LARGE1: variants seen among roughly 807,000 people sequenced by gnomAD.
The protein encoded by LARGE1 is xylosyl- and glucuronyltransferase LARGE1.
A neutral mutation model predicts 87.6 loss-of-function variants in LARGE1; 43 were observed. That is an observed-to-expected ratio of 0.49 (90% CI 0.38 to 0.63). The LOEUF is 0.63. Ranked by LOEUF, LARGE1 falls within the 30% of genes least tolerant of loss-of-function variation. The pLI, the probability that LARGE1 is intolerant of heterozygous loss-of-function variation, is 0.00. For missense variants in LARGE1, 802 were observed against 1,000.2 expected, an observed-to-expected ratio of 0.80 and a Z score of 2.67; for synonymous variants, 434 against 394.6, an observed-to-expected ratio of 1.10 and a Z score of -1.18.
chr22:33,477,335 A>G (rs1330619133), intron 6 of LARGE1, among the ~76,000 whole-genome samples: 1 of 152,244 alleles, frequency 6.6e-6, no homozygotes, highest in African/African-American at 2.4e-5. Flanking sequence ...TTCAATCTCT[A>G]AAGAACTCTT....
chr22:33,354,053 G>A (rs1302596138), intron 9 of LARGE1, among the ~76,000 whole-genome samples: 2 of 152,252 alleles, frequency 1.3e-5, no homozygotes, highest in African/African-American at 2.4e-5. Flanking sequence ...CAAAGGACAT[G>A]TAAGAGATGG....
intron 10 of LARGE1, chr22:33,322,467 T>A (rs1195628838): frequency 6.6e-6 from 1 of 152,266 alleles, no homozygotes; most frequent in African/African-American, 2.4e-5. Flanking sequence ...GCAATGTGGT[T>A]ATGATTATAT....
rs777127988 is a variant in LARGE1, at chr22:33,317,106, C to CAGG, written c.1288-861_1288-859dup. Among the ~76,000 whole-genome samples, 9 of 152,152 alleles carry CAGG rather than the reference C, an allele frequency of 5.9e-5. 1 individual carries two copies. The South Asian group carries it at 1.7e-3, about 28-fold the overall frequency. ...GCGGACACCTGTAATCCCACCTACT[C>CAGG]AGGAGGCTGAGGCAGGAGAATCTCC... On this transcript the variant is annotated intron_variant, in intron 10 of 14. Transcript: ENST00000397394.
At chr22:33,906,692 GA>G (rs1471084411) in intron 1 of LARGE1, among the ~76,000 whole-genome samples, 24 of 152,106 alleles carry the variant, frequency 1.6e-4, no homozygotes, top group Admixed American at 1.4e-3. Context: ...GAAAACTCCT[GA>G]AAAACTGCCT....
intron 7 of LARGE1, among the ~76,000 whole-genome samples, chr22:33,393,659 G>C (rs187428649): frequency 3.9e-5 from 6 of 152,290 alleles, no homozygotes; most frequent in Admixed American, 3.9e-4. Context: ...CCTGGCATTC[G>C]CTGCTGCCTG....
chr22:33,395,594 A>G (rs2065712290), intron 7 of LARGE1, among the ~76,000 whole-genome samples: 1 of 152,040 alleles, frequency 6.6e-6, no homozygotes, highest in Admixed American at 6.6e-5. Context: ...TCCCTGCCCT[A>G]TTTTCATTCT....
chr22:33,895,949 C>A (rs971615731), intron 1 of LARGE1, among the ~76,000 whole-genome samples: 1 of 138,886 alleles, frequency 7.2e-6, no homozygotes, highest in Non-Finnish European at 1.6e-5. Context: ...ATAAAACTTA[C>A]AATTTTACCC....
chr22:33,343,132 T>G (rs987156755), intron 9 of LARGE1, among the ~76,000 whole-genome samples: 1 of 152,176 alleles, frequency 6.6e-6, no homozygotes, highest in Non-Finnish European at 1.5e-5. Context: ...TTTGTTTGTT[T>G]GTTTGTTGTT....
chr22:33,178,713 G>T (rs1333136504), intron 11 of LARGE1, among the ~76,000 whole-genome samples: 3 of 152,092 alleles, frequency 2.0e-5, no homozygotes, highest in Non-Finnish European at 2.9e-5. Context: ...TAATAGAGTT[G>T]AATAATTTCT....
At chr22:33,542,675 G>A (rs540970897) in intron 6 of LARGE1, among the ~76,000 whole-genome samples, 2 of 151,496 alleles carry the variant, frequency 1.3e-5, no homozygotes, top group Admixed American at 6.6e-5. Context: ...AAAGATGCCC[G>A]CTTTTATATG....
chr22:33,314,725 G>T (rs933011324), intron 11 of LARGE1, among the ~76,000 whole-genome samples: 5 of 152,126 alleles, frequency 3.3e-5, no homozygotes, highest in Admixed American at 1.3e-4. Flanking sequence ...AGCTGAGGGG[G>T]GATGACATGT....
intron 6 of LARGE1, among the ~76,000 whole-genome samples, chr22:33,432,728 G>C (rs76926754): frequency 6.6e-6 from 1 of 152,306 alleles, no homozygotes; most frequent in Admixed American, 6.5e-5. Flanking sequence ...GGAATGGACT[G>C]GGATTGGTTT....
intron 2 of LARGE1, among the ~76,000 whole-genome samples, chr22:33,718,103 T>C (rs764945939): frequency 6.6e-5 from 10 of 152,244 alleles, no homozygotes; most frequent in Non-Finnish European, 1.0e-4. Flanking sequence ...TTCTGAACAC[T>C]ATCTAGGCTT....
At chr22:33,537,596 C>A (rs377317601) in intron 6 of LARGE1, among the ~76,000 whole-genome samples, 1 of 152,062 alleles carries the variant, frequency 6.6e-6, no homozygotes, top group South Asian at 2.1e-4. Flanking sequence ...AAGACGGAGG[C>A]TTGTCTGTCA....
At chr22:33,878,420 T>C (rs116763296) in intron 1 of LARGE1, among the ~76,000 whole-genome samples, 5,308 of 152,166 alleles carry the variant, frequency 0.035, 318 homozygotes, top group African/African-American at 0.12. Flanking sequence ...TGAGCCACCA[T>C]ACCCGGCCAG....
chr22:33,785,251 ATG>A (rs2085601479), intron 1 of LARGE1, among the ~76,000 whole-genome samples: 1 of 151,858 alleles, frequency 6.6e-6, no homozygotes, highest in Admixed American at 6.6e-5. Context: ...ATGTGTATAT[ATG>A]CATGTGTATA....
intron 6 of LARGE1, among the ~76,000 whole-genome samples, chr22:33,557,545 A>G (rs2077728087): frequency 6.6e-6 from 1 of 152,184 alleles, no homozygotes. Context: ...AACTTTATCA[A>G]TACTGGGAGT....
intron 2 of LARGE1, among the ~76,000 whole-genome samples, chr22:33,705,863 A>G (rs2082547124): frequency 6.6e-6 from 1 of 152,246 alleles, no homozygotes; most frequent in African/African-American, 2.4e-5. Context: ...CTGAATGTTT[A>G]ATACGTGCAG....
chr22:33,701,764 C>T (rs2082410511), intron 2 of LARGE1, among the ~76,000 whole-genome samples: 1 of 152,180 alleles, frequency 6.6e-6, no homozygotes, highest in South Asian at 2.1e-4. Context: ...CTGCTTTGCT[C>T]TCCTGAATGT....
Sources: gnomAD v4.1 joint callset for allele counts (sites outside exome capture counted in the v4.1 genomes callset) on GRCh38, gnomAD v4.1.1 for gene constraint, MANE v1.5 for transcripts, NCBI Gene and HGNC (gene_info 2026-07-23, HGNC 2026-07-21) for gene names.